ABCB4: variants seen among roughly 807,000 people sequenced by gnomAD.
ABCB4 encodes phosphatidylcholine translocator ABCB4.
Under a neutral mutation model 145.7 loss-of-function variants are expected in ABCB4, and 76 were observed. The observed-to-expected ratio is 0.52, with a 90% CI of 0.43 to 0.63. The LOEUF (loss-of-function observed/expected upper bound fraction) is 0.63. Ranked by LOEUF, ABCB4 falls within the 30% of genes least tolerant of loss-of-function variation. The pLI is 0.00. For synonymous variants in ABCB4, 517 were observed against 566.8 expected (o/e 0.91, Z 1.25); for missense variants, 1,234 against 1,553.1 (o/e 0.79, Z 3.45).
chr7:87,385,773 C>A, the ABCB4 span, among the ~76,000 whole-genome samples: 1 of 152,270 alleles, frequency 6.6e-6, no homozygotes, highest in South Asian at 2.1e-4. Flanking sequence ...AGAGGAAAGT[C>A]TTGCAATTTT....
rs545408490 is a variant in ABCB4, at chr7:87,401,945, G to A, written c.*151C>T. On this transcript the variant is annotated 3_prime_UTR_variant, in exon 28 of 28. Transcript: ENST00000649586. Reference sequence around the variant, plus strand: ...TTCTAACTCTCAAATTTCAAATGCCGTAATAAACCCCAAATTGGGTCTTCT... The same window carrying A: ...TTCTAACTCTCAAATTTCAAATGCCATAATAAACCCCAAATTGGGTCTTCT... 2.8e-5 allele frequency: 30 copies of A among 1,077,276 alleles called. No individual in the cohort carries two copies. Among genetic ancestry groups the A allele is most frequent in the East Asian group, 7.7e-5 (3 of 38,714 alleles). 66.7% of individuals were successfully genotyped at this position (1,077,276 alleles called of 1,614,324 possible).
intron 8 of ABCB4, 113 bp downstream of exon 8, chr7:87,449,855 T>C: frequency 6.6e-7 from 1 of 1,524,414 alleles, no homozygotes; most frequent in Non-Finnish European, 9.0e-7. Flanking sequence ...TTATAATTTA[T>C]GCGAGAAGGG....
At position 87,475,521 on chromosome 7, in the gene ABCB4, C is replaced by T. The variant is rs1448354991; in HGVS notation, c.-6-50G>A. 3 of 1,596,398 alleles carry T rather than the reference C, an allele frequency of 1.9e-6. No individual in the cohort carries two copies. The African/African-American group carries it at 4.0e-5, about 21-fold the overall frequency. On this transcript the variant is annotated intron_variant, in intron 1 of 27. Coordinates refer to ENST00000649586, the MANE Select transcript of ABCB4 (RefSeq NM_000443.4). ...ACCAAGTACACCCTCTCCGGCGGCC[C>T]GGCGCACGAGTCGCGGGGCCCGGGG... is the stretch of plus-strand genomic sequence containing the variant.
At chr7:87,420,170 GTTGTT>G (rs1809317882) in intron 18 of ABCB4, 95 bp from the exon 19 acceptor site, 1 of 1,221,646 alleles carries the variant, frequency 8.2e-7, no homozygotes, top group Admixed American at 1.7e-5. Context: ...AAAGTTATGA[GTTGTT>G]TTACAGTTGC....
chr7:87,419,892 C>A, intron 19 of ABCB4, 106 bp downstream of exon 19: 1 of 1,216,150 alleles, frequency 8.2e-7, no homozygotes, highest in South Asian at 1.2e-5. Context: ...TGCGTGAATA[C>A]CCTGGGGGGA....
intron 18 of ABCB4, among the ~76,000 whole-genome samples, chr7:87,421,151 G>T (rs966016515): frequency 5.3e-5 from 8 of 152,162 alleles, no homozygotes; most frequent in African/African-American, 1.9e-4. Flanking sequence ...CCAGAAGTGG[G>T]CTTACTTCTG....
intron 14 of ABCB4, among the ~76,000 whole-genome samples, chr7:87,438,034 T>G (rs947672656): frequency 7.9e-5 from 12 of 152,182 alleles, no homozygotes; most frequent in Non-Finnish European, 1.2e-4. Flanking sequence ...AAACAATACA[T>G]ACTGGTCATC....
chr7:87,426,944 A>ATGTGT (rs1809865270), intron 15 of ABCB4, 24 bp from the exon 16 acceptor site: 3 of 1,033,082 alleles, frequency 2.9e-6, no homozygotes, highest in Non-Finnish European at 1.5e-6. Flanking sequence ...AAGACATTAA[A>ATGTGT]GTGTGTGTGT....
chr7:87,424,086 T>C (rs376126911), intron 16 of ABCB4, 34 bp from the exon 17 acceptor site: 83 of 1,613,352 alleles, frequency 5.1e-5, no homozygotes, highest in Non-Finnish European at 6.6e-5. Context: ...AAACTGGTGA[T>C]GACACAACAG....
At chr7:87,467,020 T>A (rs909786994) in intron 3 of ABCB4, among the ~76,000 whole-genome samples, 2 of 152,144 alleles carry the variant, frequency 1.3e-5, no homozygotes, top group Non-Finnish European at 2.9e-5. Flanking sequence ...GCTAAAATCA[T>A]AATGACAGGA....
At chr7:87,406,655 A>G (rs1316111740) in intron 25 of ABCB4, 161 bp from the exon 26 acceptor site, 1 of 770,286 alleles carries the variant, frequency 1.3e-6, no homozygotes, top group Non-Finnish European at 2.1e-6. Context: ...CATGGCCAAC[A>G]TGATGATTTT....
chr7:87,420,114 A>G (rs770806583), intron 18 of ABCB4, 39 bp from the exon 19 acceptor site: 10 of 1,582,516 alleles, frequency 6.3e-6, no homozygotes, highest in African/African-American at 1.3e-5. Context: ...TTTGATCTTT[A>G]TGTATGTAAT....
Position 87,443,587 on chromosome 7 carries a change from AAT to A in ABCB4, c.1230+74_1230+75del. ...GGAAAAGGCACATAAGTATCAAAAT[AAT>A]AGAGACTTTATTCTTTAAAATGATT... is the stretch of plus-strand genomic sequence containing the variant. On this transcript the variant is annotated intron_variant, in intron 11 of 27. Transcript: ENST00000649586. 9 of 1,528,698 alleles carry A rather than the reference AAT, an allele frequency of 5.9e-6. 1 individual carries two copies. The South Asian group carries it at 1.0e-4, about 17-fold the overall frequency. The allele number at this position is 1,528,698 out of a possible 1,614,324, so 94.7% of individuals were successfully genotyped here. A position where few individuals can be genotyped will look rare whatever the true frequency, so the allele number is the denominator to read the frequency against.
chr7:87,377,637 G>A, the ABCB4 span, among the ~76,000 whole-genome samples: 1 of 152,106 alleles, frequency 6.6e-6, no homozygotes, highest in Non-Finnish European at 1.5e-5. Context: ...CTGTAGTAAG[G>A]CCAACAGTTT....
At chr7:87,372,008 A>AAAAAAAAAAAAAC in the ABCB4 span, among the ~76,000 whole-genome samples, 3 of 42,092 alleles carry the variant, frequency 7.1e-5, no homozygotes, top group Non-Finnish European at 9.5e-5. Context: ...AAAAAAAAAC[A>AAAAAAAAAAAAAC]AAAAAAAAAA....
In ABCB4 at chr7:87,472,613, C is replaced by T. The variant is rs770890844; in HGVS notation, c.135+8G>A. 7.5e-6 allele frequency: 12 copies of T among 1,602,326 alleles called. No homozygotes were observed. The highest frequency in any genetic ancestry group is 1.3e-5 in the African/African-American group (1 of 74,654). On this transcript the variant is annotated splice_region_variant and intron_variant, in intron 3 of 27. Transcript: ENST00000649586. ...AGGATTATTCACATTTAACATTTCA[C>T]AGCTTACCAATGTTAATACTCCAAT...
chr7:87,397,074 C>T (rs1008418594), downstream of ABCB4, among the ~76,000 whole-genome samples: 1 of 152,156 alleles, frequency 6.6e-6, no homozygotes, highest in Non-Finnish European at 1.5e-5. Context: ...ATTCTGTAGG[C>T]TAGGCATGGT....
rs771504027 is a variant in ABCB4 at position 87,439,743 on chromosome 7, T to C, written c.1655A>G (p.Lys552Arg). ...AIARALVRNP[K>R]ILLLDEATSA... ...CGTGGCCTCATCCAGCAGAAGGATC[T>C]TGGGGTTGCGAACCAGGGCACGTGC... Residue 552 changes from lysine (K) to arginine (R), a missense_variant, in exon 14 of 28, where the codon AAG becomes AGG. Coordinates refer to ENST00000649586, the MANE Select transcript of ABCB4 (RefSeq NM_000443.4). 4.3e-6 allele frequency: 7 copies of C among 1,614,088 alleles called. No individual in the cohort carries two copies. The highest frequency in any genetic ancestry group is 4.0e-5 in the African/African-American group (3 of 74,942).
rs141676609 is a variant in ABCB4, at chr7:87,403,895, TAAATG to T, written c.3487-619_3487-615del. Among the ~76,000 whole-genome samples, 714 of 152,134 alleles carry T rather than the reference TAAATG, an allele frequency of 4.7e-3. 4 individuals are homozygous for T. Among genetic ancestry groups the T allele is most frequent in the African/African-American group, 0.016 (680 of 41,514 alleles). ...GGGTAGAAGGAGAAAAAAGGGGAAA[TAAATG>T]AAAGAAATCTTTTTAGAGAAGTTTG... is the stretch of plus-strand genomic sequence containing the variant. On this transcript the variant is annotated intron_variant, in intron 26 of 27. Coordinates refer to ENST00000649586, the MANE Select transcript of ABCB4 (RefSeq NM_000443.4).
Sources: gnomAD v4.1 joint callset for allele counts (sites outside exome capture counted in the v4.1 genomes callset) on GRCh38, gnomAD v4.1.1 for gene constraint, MANE v1.5 for transcripts, NCBI Gene and HGNC (gene_info 2026-07-23, HGNC 2026-07-21) for gene names.